ATP10A: variants seen among roughly 807,000 people sequenced by gnomAD.
The protein encoded by ATP10A is ATPase phospholipid transporting 10A (putative).
A neutral mutation model predicts 147.8 loss-of-function variants in ATP10A; 111 were observed. The ratio of observed to expected loss-of-function variants is 0.75; its 90% CI spans 0.64 to 0.88. ATP10A has a LOEUF of 0.88. Ranked by LOEUF, ATP10A falls within the 40% of genes least tolerant of loss-of-function variation. ATP10A has a pLI of 0.00. For synonymous variants in ATP10A, 875 were observed against 841.6 expected, an observed-to-expected ratio of 1.04 and a Z score of -0.69; for missense variants, 1,927 against 1,959.0, an observed-to-expected ratio of 0.98 and a Z score of 0.31.
At chr15:25,702,819 G>GA (rs1900749401) in intron 12 of ATP10A, among the ~76,000 whole-genome samples, 1 of 151,290 alleles carries the variant, frequency 6.6e-6, no homozygotes, top group South Asian at 2.1e-4. Flanking sequence ...CCCCACTCTG[G>GA]AAGTGAGCTG....
chr15:25,695,304 G>A (rs912231755), intron 13 of ATP10A, among the ~76,000 whole-genome samples, 158 bp from the exon 14 acceptor site: 4 of 152,144 alleles, frequency 2.6e-5, no homozygotes, highest in Non-Finnish European at 4.4e-5. Context: ...AAGTTCAGCC[G>A]GAGAGGATGA....
chr15:25,736,030 C>A (rs72625120), intron 3 of ATP10A, 26 bp downstream of exon 3: 65,615 of 1,571,896 alleles, frequency 0.042, 7,210 homozygotes, highest in East Asian at 0.28. Context: ...CAGAAGGATG[C>A]GCGCAGGCAG....
intron 1 of ATP10A, among the ~76,000 whole-genome samples, chr15:25,850,045 A>G (rs949733250): frequency 6.6e-5 from 10 of 152,218 alleles, no homozygotes; most frequent in South Asian, 4.1e-4. Context: ...GACATACATA[A>G]CTAAATATAA....
intron 2 of ATP10A, among the ~76,000 whole-genome samples, chr15:25,755,211 C>T (rs1888353066): frequency 6.6e-6 from 1 of 152,104 alleles, no homozygotes; most frequent in South Asian, 2.1e-4. Context: ...TCGAAAATTT[C>T]CTAAACCTAG....
At chr15:25,784,313 CGGA>C (rs1890061016) in intron 1 of ATP10A, among the ~76,000 whole-genome samples, 1 of 152,108 alleles carries the variant, frequency 6.6e-6, no homozygotes, top group Admixed American at 6.5e-5. Context: ...TCACCCTGGG[CGGA>C]GGAGGAGAGA....
At chr15:25,842,319 G>A (rs1892844092) in intron 1 of ATP10A, among the ~76,000 whole-genome samples, 1 of 152,166 alleles carries the variant, frequency 6.6e-6, no homozygotes, top group Non-Finnish European at 1.5e-5. Context: ...AAGGATACAG[G>A]AGATAAAACA....
At chr15:25,856,210 T>C (rs1003904472) in intron 1 of ATP10A, among the ~76,000 whole-genome samples, 9 of 152,166 alleles carry the variant, frequency 5.9e-5, no homozygotes, top group Admixed American at 5.9e-4. Flanking sequence ...CAGGTTGAGG[T>C]AACTGAATCA....
chr15:25,864,300 A>T (rs531413087), upstream of ATP10A, among the ~76,000 whole-genome samples: 3 of 152,266 alleles, frequency 2.0e-5, no homozygotes, highest in Non-Finnish European at 4.4e-5. Context: ...GACCCCACAG[A>T]TGTTTCATGG....
intron 1 of ATP10A, among the ~76,000 whole-genome samples, chr15:25,808,155 T>A (rs17642892): frequency 0.54 from 81,844 of 152,056 alleles, 23,345 homozygotes; most frequent in East Asian, 0.8. Context: ...GAATCTTCCC[T>A]GTTCCTCAAG....
At chr15:25,845,653 C>A (rs575107247) in intron 1 of ATP10A, among the ~76,000 whole-genome samples, 135 of 152,204 alleles carry the variant, frequency 8.9e-4, no homozygotes, top group African/African-American at 3.1e-3. Flanking sequence ...AGCCAGGGCC[C>A]GACACCTCTC....
chr15:25,676,025 A>AG (rs1389594107), downstream of ATP10A, among the ~76,000 whole-genome samples: 1 of 152,160 alleles, frequency 6.6e-6, no homozygotes, highest in Non-Finnish European at 1.5e-5. Flanking sequence ...GTGGTGACAA[A>AG]GTTGATTTTG....
At chr15:25,783,457 C>T (rs1034308240) in intron 1 of ATP10A, among the ~76,000 whole-genome samples, 9 of 129,932 alleles carry the variant, frequency 6.9e-5, no homozygotes, top group Non-Finnish European at 1.3e-4. Flanking sequence ...CTATTTAATT[C>T]CCCTGTGTGG....
chr15:25,778,677 CCT>C (rs1320685387), intron 2 of ATP10A, among the ~76,000 whole-genome samples: 1 of 152,018 alleles, frequency 6.6e-6, no homozygotes, highest in Non-Finnish European at 1.5e-5. Context: ...TTCCTGGGGC[CCT>C]GAGAAGGGTG....
chr15:25,709,969 C>G (rs1901300129), intron 10 of ATP10A: 1 of 152,238 alleles, frequency 6.6e-6, no homozygotes, highest in Admixed American at 6.5e-5. Flanking sequence ...CACCGAGGAG[C>G]TGGGGGAACC....
In ATP10A at chr15:25,694,855, C is replaced by T. The variant is rs774974043; in HGVS notation, c.3052G>A (p.Val1018Met). 1.9e-6 allele frequency: 3 copies of T among 1,613,862 alleles called. No homozygotes were observed. Among genetic ancestry groups the T allele is most frequent in the Non-Finnish European group, 1.7e-6 (2 of 1,179,872 alleles). The change falls in exon 14 of 21, where the codon GTG becomes ATG. Residue 1018 changes from valine to methionine, a missense_variant. Val to Met is a conservative substitution (Grantham distance 21). Coordinates refer to ENST00000555815, the MANE Select transcript of ATP10A (RefSeq NM_024490.4). ...GTCATGGCCTTGAGCTTGCTCCGCACCAGCTTCACCACCATGCTCTTCTGC... is the reference window on the plus strand; with the variant it reads ...GTCATGGCCTTGAGCTTGCTCCGCATCAGCTTCACCACCATGCTCTTCTGC... ...PLQKSMVVKL[V>M]RSKLKAMTLA...
chr15:25,737,692 C>T (rs1490657307), intron 2 of ATP10A, among the ~76,000 whole-genome samples: 2 of 152,152 alleles, frequency 1.3e-5, no homozygotes, highest in East Asian at 3.9e-4. Context: ...GCCGCTAGAA[C>T]TCATATATTG....
chr15:25,743,686 G>A (rs1043261938), intron 2 of ATP10A, among the ~76,000 whole-genome samples: 38 of 152,180 alleles, frequency 2.5e-4, no homozygotes, highest in African/African-American at 8.7e-4. Flanking sequence ...TTGTTGTCTC[G>A]CAGTCCTGGA....
At position 25,718,244 on chromosome 15, in the gene ATP10A, T is replaced by G. The variant is rs1447872014; in HGVS notation, c.1519A>C (p.Ser507Arg). The G allele has an allele frequency of 6.2e-7, 1 of 1,612,888 alleles. No individual in the cohort carries two copies. The change falls in exon 8 of 21, where the codon AGC becomes CGC. Residue 507 changes from serine to arginine, a missense_variant. Ser to Arg is a moderately radical substitution (Grantham distance 110, BLOSUM62 -1). Transcript: ENST00000555815. Reference sequence around the variant, plus strand: ...CTGGCCCTCTTGGCCTCGGCCCGGCTGCCCGTGCGCCGGTGGGACTTGGTG... The same window carrying G: ...CTGGCCCTCTTGGCCTCGGCCCGGCGGCCCGTGCGCCGGTGGGACTTGGTG... ...QSTKSHRRTG[S>R]RAEAKRASML...
In ATP10A at chr15:25,680,817, T is replaced by G; in HGVS notation, c.3671A>C (p.Lys1224Thr). 6.2e-7 allele frequency: 1 copy of G among 1,613,168 alleles called. No homozygotes were observed. Among genetic ancestry groups the G allele is most frequent in the South Asian group, 1.1e-5 (1 of 91,016 alleles). Residue 1224 changes from lysine (K) to threonine (T), a missense_variant, in exon 19 of 21, where the codon AAA becomes ACA. Coordinates refer to ENST00000555815, the MANE Select transcript of ATP10A (RefSeq NM_024490.4). Reference sequence around the variant, plus strand: ...CATGCAGGCGGCTCTTACCCAGGTTTTGGTTTCAATGCCCAGGTGGAGCAG... The same window carrying G: ...CATGCAGGCGGCTCTTACCCAGGTTGTGGTTTCAATGCCCAGGTGGAGCAG... ...TFLLHLGIET[K>T]TWTWLNWITC... is the part of the protein sequence containing the mutation.
Sources: gnomAD v4.1 joint callset for allele counts (sites outside exome capture counted in the v4.1 genomes callset) on GRCh38, gnomAD v4.1.1 for gene constraint, MANE v1.5 for transcripts, NCBI Gene and HGNC (gene_info 2026-07-23, HGNC 2026-07-21) for gene names.